Variants in CTNNA3 observed in about 807,000 individuals in gnomAD.
The protein encoded by CTNNA3 is catenin alpha 3.
Under a neutral mutation model 95.7 loss-of-function variants are expected in CTNNA3, and 76 were observed. The ratio of observed to expected loss-of-function variants is 0.79; its 90% CI spans 0.66 to 0.96. The LOEUF is 0.96. Among genes scored for constraint, CTNNA3 ranks in the 40% least tolerant of loss-of-function variants. The pLI is 0.00. For synonymous variants in CTNNA3, 431 were observed against 374.4 expected, an observed-to-expected ratio of 1.15 and a Z score of -1.74; for missense variants, 1,191 against 1,089.8, an observed-to-expected ratio of 1.09 and a Z score of -1.31.
chr10:66,477,855 C>T (rs568403124), intron 11 of CTNNA3, among the ~76,000 whole-genome samples: 25 of 151,986 alleles, frequency 1.6e-4, no homozygotes, highest in Non-Finnish European at 2.8e-4. Flanking sequence ...TTTAAACATC[C>T]ACTCTCATAA....
intron 11 of CTNNA3, among the ~76,000 whole-genome samples, chr10:66,515,917 G>A (rs954592416): frequency 2.0e-5 from 3 of 152,038 alleles, no homozygotes; most frequent in African/African-American, 7.2e-5. Context: ...ACATAGCCAA[G>A]CCATATCAAT....
At chr10:66,227,778 A>G (rs1041855441) in intron 13 of CTNNA3, among the ~76,000 whole-genome samples, 4 of 152,160 alleles carry the variant, frequency 2.6e-5, no homozygotes, top group African/African-American at 4.8e-5. Flanking sequence ...AGAATTTAGC[A>G]GTGAAGTCAT....
chr10:67,316,887 A>G (rs1463648345), intron 5 of CTNNA3, among the ~76,000 whole-genome samples: 1 of 152,166 alleles, frequency 6.6e-6, no homozygotes, highest in Non-Finnish European at 1.5e-5. Flanking sequence ...ACCTTTCAAA[A>G]TTTATTCTAA....
intron 7 of CTNNA3, among the ~76,000 whole-genome samples, chr10:66,923,109 A>G (rs1846874422): frequency 6.6e-6 from 1 of 152,036 alleles, no homozygotes; most frequent in African/African-American, 2.4e-5. Context: ...ATAAATATTA[A>G]TCATAAGATC....
At chr10:66,274,377 G>A (rs1056633644) in intron 13 of CTNNA3, among the ~76,000 whole-genome samples, 20 of 152,142 alleles carry the variant, frequency 1.3e-4, no homozygotes, top group African/African-American at 3.4e-4. Flanking sequence ...TGGATCAAAC[G>A]TGACCCAAAG....
chr10:66,174,044 A>G (rs914399372), intron 13 of CTNNA3, among the ~76,000 whole-genome samples: 2 of 152,142 alleles, frequency 1.3e-5, no homozygotes, highest in African/African-American at 2.4e-5. Flanking sequence ...GATGCTTTCA[A>G]TACATTACTT....
intron 7 of CTNNA3, among the ~76,000 whole-genome samples, chr10:66,967,671 A>T (rs1564800925): frequency 6.6e-6 from 1 of 152,114 alleles, no homozygotes; most frequent in Non-Finnish European, 1.5e-5. Context: ...ACATTTATTA[A>T]GAATTTTTAA....
At position 66,103,367 on chromosome 10, in the gene CTNNA3, C is replaced by A. The variant is rs7922026; in HGVS notation, c.1885-118G>T. 704 of 732,700 alleles carry A rather than the reference C, an allele frequency of 9.6e-4. 4 individuals carry two copies. The African/African-American group carries it at 0.01, about 11-fold the overall frequency. The allele number at this position is 732,700 out of a possible 1,614,324, so 45.4% of individuals were successfully genotyped here. A position where few individuals can be genotyped will look rare whatever the true frequency, so the allele number is the denominator to read the frequency against. On this transcript the variant is annotated intron_variant, in intron 13 of 17. Transcript: ENST00000433211. ...AAGTTACCATATGACCCAGCAATTT[C>A]ACTCCCAGTTATATACTCAAGAGAA...
intron 1 of CTNNA3, among the ~76,000 whole-genome samples, chr10:67,726,438 T>TAATATTATATATTATATAC (rs1564841153): frequency 1.4e-5 from 1 of 71,630 alleles, no homozygotes; most frequent in Non-Finnish European, 2.3e-5. Flanking sequence ...ATATCATATA[T>TAATATTATATATTATATAC]AATATATAAT....
At chr10:66,649,421 G>A (rs951575384) in intron 9 of CTNNA3, among the ~76,000 whole-genome samples, 3 of 152,088 alleles carry the variant, frequency 2.0e-5, no homozygotes, top group Admixed American at 6.6e-5. Context: ...CACTGATAAA[G>A]GTAAGAAGGA....
intron 7 of CTNNA3, among the ~76,000 whole-genome samples, chr10:66,866,126 C>T (rs935583752): frequency 2.6e-4 from 40 of 152,148 alleles, no homozygotes; most frequent in African/African-American, 9.7e-4. Flanking sequence ...ATTTGACTGA[C>T]TTCACATAGT....
chr10:67,660,025 G>A (rs528986844), intron 1 of CTNNA3, among the ~76,000 whole-genome samples: 1 of 152,202 alleles, frequency 6.6e-6, no homozygotes, highest in South Asian at 2.1e-4. Flanking sequence ...TCATTTTTCT[G>A]TAAATCAATA....
At chr10:67,513,144 T>C (rs921234358) in intron 5 of CTNNA3, among the ~76,000 whole-genome samples, 1 of 152,190 alleles carries the variant, frequency 6.6e-6, no homozygotes, top group Admixed American at 6.6e-5. Context: ...TGAAACCCAA[T>C]TTCCTGGATT....
intron 10 of CTNNA3, among the ~76,000 whole-genome samples, chr10:66,581,425 G>T (rs1407434487): frequency 1.4e-4 from 18 of 133,226 alleles, no homozygotes; most frequent in Admixed American, 4.4e-4. Flanking sequence ...TTTTTTTTTT[G>T]ACTTTTTAAT....
intron 10 of CTNNA3, among the ~76,000 whole-genome samples, chr10:66,582,120 A>T (rs558404732): frequency 6.6e-6 from 1 of 151,638 alleles, no homozygotes; most frequent in Non-Finnish European, 1.5e-5. Context: ...TGCTTTGACT[A>T]TTTGGGCTAT....
chr10:66,583,217 C>T (rs918038381), intron 10 of CTNNA3, among the ~76,000 whole-genome samples: 1 of 151,764 alleles, frequency 6.6e-6, no homozygotes, highest in Admixed American at 6.6e-5. Flanking sequence ...GAATTAGTAC[C>T]AATTCTTTGG....
At chr10:67,520,668 G>T (rs1178010125) in intron 5 of CTNNA3, among the ~76,000 whole-genome samples, 1 of 152,042 alleles carries the variant, frequency 6.6e-6, no homozygotes, top group Non-Finnish European at 1.5e-5. Flanking sequence ...TCTGCAAAAA[G>T]AATGTATTTG....
chr10:66,936,553 T>A (rs2132661572), intron 7 of CTNNA3, among the ~76,000 whole-genome samples: 2 of 152,268 alleles, frequency 1.3e-5, no homozygotes, highest in South Asian at 4.1e-4. Flanking sequence ...CTGCCTTGCC[T>A]GTTTTTCTAG....
At chr10:67,498,707 G>A (rs1264797083) in intron 5 of CTNNA3, among the ~76,000 whole-genome samples, 1 of 152,114 alleles carries the variant, frequency 6.6e-6, no homozygotes. Context: ...TTGTGAATGG[G>A]AGTTCACTCA....
Sources: gnomAD v4.1 joint callset for allele counts (sites outside exome capture counted in the v4.1 genomes callset) on GRCh38, gnomAD v4.1.1 for gene constraint, MANE v1.5 for transcripts, NCBI Gene and HGNC (gene_info 2026-07-23, HGNC 2026-07-21) for gene names.